The following ZC4H2 variants were observed in gnomAD, a reference collection of about 807,000 sequenced individuals.
ZC4H2 encodes zinc finger C4H2-type containing, also known as zinc finger C4H2 domain-containing protein.
For synonymous variants in ZC4H2, 84 were observed against 66.3 expected (o/e 1.27, Z -1.30); for missense variants, 137 against 173.9 (o/e 0.79, Z 1.19).
chrX:64,998,499 CAT>C (rs1215889550), intron 1 of ZC4H2, among the ~76,000 whole-genome samples: 1 of 112,146 alleles, frequency 8.9e-6, no homozygotes, highest in Non-Finnish European at 1.9e-5. Context: ...AACCTCAAAA[CAT>C]ATGAAGCAAA....
intron 1 of ZC4H2, among the ~76,000 whole-genome samples, chrX:64,973,736 C>T (rs1931855477): frequency 9.0e-6 from 1 of 111,256 alleles, no homozygotes; most frequent in South Asian, 3.7e-4. Context: ...CCATTCAATA[C>T]TGAAGGATAT....
chrX:64,934,008 C>T (rs1929874133), intron 1 of ZC4H2, among the ~76,000 whole-genome samples: 1 of 111,568 alleles, frequency 9.0e-6, no homozygotes, highest in South Asian at 3.8e-4. Flanking sequence ...CCTCAATTCC[C>T]CTGCCAGGCA....
At chrX:65,025,121 G>GT (rs1196188501) in intron 1 of ZC4H2, among the ~76,000 whole-genome samples, 2 of 100,353 alleles carry the variant, frequency 2.0e-5, no homozygotes, top group Non-Finnish European at 4.1e-5. Flanking sequence ...CAAATCCATG[G>GT]TTTTTTTGTT....
intron 1 of ZC4H2, among the ~76,000 whole-genome samples, chrX:64,941,544 C>G (rs1930280674): frequency 9.0e-6 from 1 of 111,621 alleles, no homozygotes; most frequent in Non-Finnish European, 1.9e-5. Flanking sequence ...ATAAATAGCT[C>G]TTATTATTTT....
At chrX:65,021,201 C>T (rs753384341) in intron 1 of ZC4H2, among the ~76,000 whole-genome samples, 1 of 110,912 alleles carries the variant, frequency 9.0e-6, no homozygotes, top group African/African-American at 3.3e-5. Flanking sequence ...GAACTCTCCA[C>T]CCAAAATCGA....
intron 1 of ZC4H2, among the ~76,000 whole-genome samples, chrX:64,962,030 A>T (rs1459308273): frequency 9.0e-6 from 1 of 111,624 alleles, no homozygotes; most frequent in Non-Finnish European, 1.9e-5. Flanking sequence ...TTTCCAAAAA[A>T]GTGAAGAGGC....
chrX:64,922,849 A>T (rs899553886), intron 1 of ZC4H2, among the ~76,000 whole-genome samples: 3 of 112,276 alleles, frequency 2.7e-5, no homozygotes, highest in Non-Finnish European at 5.6e-5. Context: ...TCAAACTTAA[A>T]ATTTAAACAG....
At chrX:64,992,789 T>C (rs926908258) in intron 1 of ZC4H2, among the ~76,000 whole-genome samples, 1 of 111,572 alleles carries the variant, frequency 9.0e-6, no homozygotes, top group African/African-American at 3.3e-5. Context: ...CAACCTGCTT[T>C]TACCGTCTGC....
chrX:64,953,861 A>G (rs1268610360), intron 1 of ZC4H2, among the ~76,000 whole-genome samples: 2 of 111,489 alleles, frequency 1.8e-5, no homozygotes. Context: ...ATAAAGACAC[A>G]TGCACACGTA....
At chrX:64,961,497 G>T (rs1310575986) in intron 1 of ZC4H2, among the ~76,000 whole-genome samples, 1 of 110,571 alleles carries the variant, frequency 9.0e-6, no homozygotes, top group Non-Finnish European at 1.9e-5. Flanking sequence ...CATATGAAAT[G>T]GATTTATAAT....
At chrX:64,971,881 G>A (rs1269781508) in intron 1 of ZC4H2, among the ~76,000 whole-genome samples, 4 of 111,880 alleles carry the variant, frequency 3.6e-5, no homozygotes, top group Non-Finnish European at 7.5e-5. Flanking sequence ...AGCTCTTTGT[G>A]TATGGATATG....
rs756744017 is a variant in ZC4H2 at position 64,947,062 on chromosome X, T to C, written c.54-25074A>G. The stretch of plus-strand genomic sequence containing the variant: ...TCAGCTCACTCAGTTTAGTGTATTT[T>C]TATTTTTCTTGAGACTCTCTATGAA... On this transcript the variant is annotated intron_variant, in intron 1 of 4. Transcript: ENST00000374839. 9.5e-4 allele frequency among the ~76,000 whole-genome samples: 106 copies of C among 111,876 alleles called. 1 individual carries two copies. Among genetic ancestry groups the C allele is most frequent in the African/African-American group, 3.0e-3 (94 of 30,923 alleles).
At chrX:64,946,794 T>C (rs1278171002) in intron 1 of ZC4H2, among the ~76,000 whole-genome samples, 6 of 111,888 alleles carry the variant, frequency 5.4e-5, no homozygotes, top group Non-Finnish European at 5.6e-5. Flanking sequence ...GTTTTAAATA[T>C]ATAAATGTTT....
chrX:64,950,661 G>C lies in ZC4H2; in HGVS notation c.53+25664C>G, dbSNP rs902350033. Among the ~76,000 whole-genome samples the C allele has an allele frequency of 2.7e-5, 3 of 110,619 alleles. No homozygotes were observed. The Admixed American group carries it at 2.9e-4, about 11-fold the overall frequency. ...TTAAAGTCTGTTTTATCAGAGACTA[G>C]GATTGCAATCCCCACCTTTTTTGTT... On this transcript the variant is annotated intron_variant, in intron 1 of 4. Transcript: ENST00000374839.
chrX:64,979,867 A>G (rs1324438529), upstream of ZC4H2, among the ~76,000 whole-genome samples: 1 of 112,020 alleles, frequency 8.9e-6, no homozygotes, highest in Non-Finnish European at 1.9e-5. Context: ...TGCTAAGGCA[A>G]TAAGGCAGGG....
chrX:64,956,861 C>A (rs1251563595), intron 1 of ZC4H2, among the ~76,000 whole-genome samples: 1 of 112,426 alleles, frequency 8.9e-6, no homozygotes, highest in African/African-American at 3.2e-5. Flanking sequence ...CCTTGTAAAA[C>A]CCACTGTTCT....
chrX:64,936,716 C>T (rs1256974581), intron 1 of ZC4H2, among the ~76,000 whole-genome samples: 1 of 111,579 alleles, frequency 9.0e-6, no homozygotes, highest in African/African-American at 3.3e-5. Flanking sequence ...TACAGACAAG[C>T]AAATGCTGAG....
chrX:65,027,500 T>G (rs942337954), intron 1 of ZC4H2, among the ~76,000 whole-genome samples: 1 of 111,380 alleles, frequency 9.0e-6, no homozygotes, highest in Non-Finnish European at 1.9e-5. Flanking sequence ...GAATGATGAA[T>G]GAATATGAGA....
intron 1 of ZC4H2, among the ~76,000 whole-genome samples, chrX:64,945,569 C>T (rs1019487509): frequency 3.6e-5 from 4 of 111,800 alleles, no homozygotes; most frequent in Non-Finnish European, 7.5e-5. Context: ...CAGGGACCCA[C>T]TTGACAAGGC....
Sources: allele counts gnomAD v4.1 joint callset (sites outside exome capture counted in the v4.1 genomes callset), GRCh38; gene constraint gnomAD v4.1.1; transcripts MANE v1.5; gene names NCBI Gene and HGNC (gene_info 2026-07-23, HGNC 2026-07-21).